The following OLA1 variants were observed in gnomAD, a reference collection of about 807,000 sequenced individuals.
The protein encoded by OLA1 is Obg like ATPase 1, also known as obg-like ATPase 1.
A neutral mutation model predicts 48.4 loss-of-function variants in OLA1; 14 were observed. The ratio of observed to expected loss-of-function variants is 0.29; its 90% CI spans 0.19 to 0.45. The LOEUF (loss-of-function observed/expected upper bound fraction) is 0.45, where lower values mean the gene tolerates loss of function less well. OLA1 is among the 20% of genes least tolerant of loss of function. OLA1 has a pLI of 1.00. For synonymous variants in OLA1, 127 were observed against 150.4 expected (o/e 0.84, Z 1.14); for missense variants, 325 against 467.1 (o/e 0.70, Z 2.80).
At chr2:174,089,183 A>G (rs527831825) in intron 7 of OLA1, among the ~76,000 whole-genome samples, 1 of 152,180 alleles carries the variant, frequency 6.6e-6, no homozygotes, top group Non-Finnish European at 1.5e-5. Context: ...CAAATGAGTG[A>G]GACCTCATCA....
At chr2:174,122,372 A>G (rs889231024) in intron 7 of OLA1, among the ~76,000 whole-genome samples, 4 of 152,220 alleles carry the variant, frequency 2.6e-5, no homozygotes, top group Non-Finnish European at 5.9e-5. Context: ...TGGAAATGAG[A>G]ATTTTTAATG....
At chr2:174,212,979 G>A (rs867148868) in intron 4 of OLA1, among the ~76,000 whole-genome samples, 18 of 152,260 alleles carry the variant, frequency 1.2e-4, no homozygotes, top group Middle Eastern at 6.8e-3. Flanking sequence ...TATAGTGACT[G>A]AAATTCACAC....
chr2:174,074,279 TCA>T lies in OLA1; in HGVS notation c.*1145_*1146del, dbSNP rs549099027. The T allele has an allele frequency of 3.4e-3, 514 of 152,322 alleles. 2 individuals are homozygous for T. Among genetic ancestry groups the T allele is most frequent in the Middle Eastern group, 6.8e-3 (2 of 294 alleles). The allele number at this position is 152,322 out of a possible 1,614,324, so 9.4% of individuals were successfully genotyped here. On this transcript the variant is annotated 3_prime_UTR_variant, in exon 11 of 11. Transcript: ENST00000284719. The stretch of plus-strand genomic sequence containing the variant: ...AGGACAAGGACAAGGAAGGGAGGTC[TCA>T]CAGGAATGGAAACATGGGAGAGAAA...
intron 1 of OLA1, 74 bp downstream of exon 1, chr2:174,248,378 C>T (rs1167253767): frequency 1.9e-5 from 3 of 156,344 alleles, no homozygotes; most frequent in African/African-American, 7.2e-5. Context: ...GGCCCCGCGC[C>T]AGCCTCAGGG....
intron 7 of OLA1, among the ~76,000 whole-genome samples, chr2:174,097,246 C>G (rs1398433730): frequency 6.6e-6 from 1 of 152,012 alleles, no homozygotes; most frequent in African/African-American, 2.4e-5. Flanking sequence ...AGGGAGGTAA[C>G]TGGAAGGGAA....
chr2:174,119,895 G>A (rs762919881), intron 7 of OLA1, among the ~76,000 whole-genome samples: 32 of 151,844 alleles, frequency 2.1e-4, no homozygotes, highest in Non-Finnish European at 4.3e-4. Context: ...AAAAGGTAAT[G>A]TTAAATGACT....
At chr2:174,167,321 A>G (rs1381234437) in intron 4 of OLA1, among the ~76,000 whole-genome samples, 1 of 152,236 alleles carries the variant, frequency 6.6e-6, no homozygotes, top group Non-Finnish European at 1.5e-5. Context: ...CACGCCTGTA[A>G]TCCCAACACT....
intron 4 of OLA1, among the ~76,000 whole-genome samples, chr2:174,181,237 T>A (rs1687526011): frequency 6.6e-6 from 1 of 152,206 alleles, no homozygotes; most frequent in African/African-American, 2.4e-5. Context: ...TTTAAAATGC[T>A]CTTTTGGGAG....
chr2:174,125,746 C>T (rs1352458292), intron 5 of OLA1, among the ~76,000 whole-genome samples: 1 of 152,118 alleles, frequency 6.6e-6, no homozygotes, highest in Non-Finnish European at 1.5e-5. Flanking sequence ...TGCTTTTTCT[C>T]ACATTACAAA....
In OLA1 at chr2:174,133,843, TCA is replaced by T. The variant is rs1686240750; in HGVS notation, c.549+7980_549+7981del. On this transcript the variant is annotated intron_variant, in intron 5 of 10. Transcript: ENST00000284719. The stretch of plus-strand genomic sequence containing the variant: ...TCTAGTACTAAAGCATTTCATGCAC[TCA>T]CAATGTTATACAAACCACCTCTATC... 1.3e-5 allele frequency among the ~76,000 whole-genome samples: 2 copies of T among 152,224 alleles called. 1 individual carries two copies. The highest frequency in any genetic ancestry group is 4.1e-4 in the South Asian group (2 of 4,828).
chr2:174,091,177 T>A (rs995465303), intron 7 of OLA1, among the ~76,000 whole-genome samples: 1 of 152,210 alleles, frequency 6.6e-6, no homozygotes, highest in African/African-American at 2.4e-5. Flanking sequence ...CAGGTGGTTA[T>A]TTAACATCTC....
At chr2:174,244,214 T>A (rs1483980264) in intron 2 of OLA1, among the ~76,000 whole-genome samples, 1 of 152,212 alleles carries the variant, frequency 6.6e-6, no homozygotes, top group Admixed American at 6.5e-5. Flanking sequence ...CCTGATACAG[T>A]TGTGTGAAGT....
At chr2:174,190,574 A>G (rs752755242) in intron 4 of OLA1, among the ~76,000 whole-genome samples, 1 of 151,774 alleles carries the variant, frequency 6.6e-6, no homozygotes, top group Non-Finnish European at 1.5e-5. Flanking sequence ...ATGAAATTCT[A>G]TGTTGGATAC....
chr2:174,098,275 G>T (rs1224233242), intron 7 of OLA1, among the ~76,000 whole-genome samples: 1 of 152,104 alleles, frequency 6.6e-6, no homozygotes, highest in Non-Finnish European at 1.5e-5. Context: ...TGCAACCTGT[G>T]GCAAAACTTT....
Position 174,194,508 on chromosome 2 carries a change from C to T in OLA1, c.373+28525G>A, listed in dbSNP as rs143419987. On this transcript the variant is annotated intron_variant, in intron 4 of 10. Coordinates refer to ENST00000284719, the MANE Select transcript of OLA1 (RefSeq NM_013341.5). Reference sequence around the variant, plus strand: ...GCGAGGGTGGGAGTGATACTCCTTCCGGCTCTCTACACCCCAGGGCAAAAA... The same window carrying T: ...GCGAGGGTGGGAGTGATACTCCTTCTGGCTCTCTACACCCCAGGGCAAAAA... Among the ~76,000 whole-genome samples, 554 of 152,154 alleles carry T rather than the reference C, an allele frequency of 3.6e-3. 2 individuals carry two copies. The highest frequency in any genetic ancestry group is 0.013 in the African/African-American group (526 of 41,508).
chr2:174,144,951 A>AAAAAAAAAAAAATATAT (rs1181030817), intron 4 of OLA1, among the ~76,000 whole-genome samples: 1 of 40,278 alleles, frequency 2.5e-5, no homozygotes, highest in Admixed American at 4.5e-4. Flanking sequence ...AAAAAAAAAA[A>AAAAAAAAAAAAATATAT]ATATATATAT....
At chr2:174,236,994 T>C (rs1268314468) in intron 2 of OLA1, among the ~76,000 whole-genome samples, 1 of 152,176 alleles carries the variant, frequency 6.6e-6, no homozygotes, top group Non-Finnish European at 1.5e-5. Flanking sequence ...TATTTTTTAA[T>C]ATTTTTCTTT....
chr2:174,245,722 C>A (rs1274948142), intron 2 of OLA1, among the ~76,000 whole-genome samples: 1 of 152,074 alleles, frequency 6.6e-6, no homozygotes, highest in East Asian at 1.9e-4. Flanking sequence ...GGTAAAACCC[C>A]GTCTCTACTA....
intron 4 of OLA1, among the ~76,000 whole-genome samples, chr2:174,149,557 C>T (rs187129068): frequency 2.0e-5 from 3 of 152,236 alleles, no homozygotes; most frequent in East Asian, 1.9e-4. Flanking sequence ...AGTGAATAAA[C>T]GCAAAATGTC....
Sources: allele counts gnomAD v4.1 joint callset (sites outside exome capture counted in the v4.1 genomes callset), GRCh38; gene constraint gnomAD v4.1.1; transcripts MANE v1.5; gene names NCBI Gene and HGNC (gene_info 2026-07-23, HGNC 2026-07-21).